SH3GL2: variants seen among roughly 807,000 people sequenced by gnomAD.
SH3GL2 encodes the protein SH3 domain containing GRB2 like 2, endophilin A1, also known as endophilin-A1.
In SH3GL2, 24 loss-of-function variants were observed where a neutral mutation model predicts 46.0. That is an observed-to-expected ratio of 0.52 (90% confidence interval 0.38 to 0.73). The LOEUF is 0.73. SH3GL2 is among the 30% of genes least tolerant of loss of function. The pLI is 0.00. For missense variants in SH3GL2, 413 were observed against 424.2 expected (o/e 0.97, Z 0.23); for synonymous variants, 196 against 147.1 (o/e 1.33, Z -2.40).
At chr9:17,770,209 C>T (rs950716260) in intron 3 of SH3GL2, among the ~76,000 whole-genome samples, 3 of 152,172 alleles carry the variant, frequency 2.0e-5, no homozygotes, top group Non-Finnish European at 4.4e-5. Flanking sequence ...TGTATAAAAT[C>T]ACTGGGCTGA....
chr9:17,791,990 A>G (rs117129451), intron 7 of SH3GL2, among the ~76,000 whole-genome samples: 2,435 of 152,322 alleles, frequency 0.016, 34 homozygotes, highest in Non-Finnish European at 0.026. Context: ...CAGTGGCCCT[A>G]TGTTATAATA....
At chr9:17,676,121 G>C (rs1472684948) in intron 1 of SH3GL2, among the ~76,000 whole-genome samples, 1 of 152,184 alleles carries the variant, frequency 6.6e-6, no homozygotes, top group African/African-American at 2.4e-5. Flanking sequence ...CTGGTTTAGG[G>C]GCTATGGGTA....
intron 4 of SH3GL2, among the ~76,000 whole-genome samples, chr9:17,786,981 C>T (rs1250795100): frequency 6.6e-6 from 1 of 152,178 alleles, no homozygotes; most frequent in Non-Finnish European, 1.5e-5. Flanking sequence ...CCCCAAAACT[C>T]AGCTACCACA....
chr9:17,755,514 C>T (rs1822963278), intron 2 of SH3GL2, among the ~76,000 whole-genome samples: 2 of 152,138 alleles, frequency 1.3e-5, no homozygotes, highest in African/African-American at 4.8e-5. Flanking sequence ...TTTTCCCAGG[C>T]TAGTCTTGAA....
chr9:17,737,121 A>C (rs1440609673), intron 1 of SH3GL2, among the ~76,000 whole-genome samples: 2 of 151,984 alleles, frequency 1.3e-5, no homozygotes, highest in African/African-American at 2.4e-5. Flanking sequence ...AAAACACCAC[A>C]TGTTCTCACT....
intron 3 of SH3GL2, among the ~76,000 whole-genome samples, chr9:17,783,952 C>T (rs965671987): frequency 6.6e-6 from 1 of 152,104 alleles, no homozygotes; most frequent in African/African-American, 2.4e-5. Flanking sequence ...TCTTAAAGTA[C>T]TGCTTCAAAC....
chr9:17,679,614 C>A (rs554956458), intron 1 of SH3GL2, among the ~76,000 whole-genome samples: 1 of 152,096 alleles, frequency 6.6e-6, no homozygotes, highest in Non-Finnish European at 1.5e-5. Flanking sequence ...ATTGAATACC[C>A]TTTATTTCTT....
chr9:17,744,982 C>A (rs1822638700), intron 1 of SH3GL2, among the ~76,000 whole-genome samples: 1 of 152,140 alleles, frequency 6.6e-6, no homozygotes, highest in Non-Finnish European at 1.5e-5. Flanking sequence ...CATCCAGCAC[C>A]ACGGACAGCT....
rs555262154 is a variant in SH3GL2 at position 17,688,263 on chromosome 9, A to G, written c.46-58803A>G. Among the ~76,000 whole-genome samples the G allele has an allele frequency of 7.9e-5, 12 of 152,148 alleles. No individual in the cohort carries two copies. In the East Asian group the frequency reaches 2.3e-3, roughly 30 times the overall value. On this transcript the variant is annotated intron_variant, in intron 1 of 8. Coordinates refer to ENST00000380607, the MANE Select transcript of SH3GL2 (RefSeq NM_003026.5). ...GGCAGCCTTTTTGGCCAAATTTTCAACCACTGGAATTGCCTTTTGGGGAGT... is the reference window on the plus strand; with the variant it reads ...GGCAGCCTTTTTGGCCAAATTTTCAGCCACTGGAATTGCCTTTTGGGGAGT...
At chr9:17,743,375 C>G (rs969652628) in intron 1 of SH3GL2, among the ~76,000 whole-genome samples, 1 of 151,976 alleles carries the variant, frequency 6.6e-6, no homozygotes, top group African/African-American at 2.4e-5. Context: ...ATCAACCAAC[C>G]ATTCAGGCCA....
At chr9:17,724,398 T>G (rs1821971768) in intron 1 of SH3GL2, among the ~76,000 whole-genome samples, 1 of 152,184 alleles carries the variant, frequency 6.6e-6, no homozygotes, top group Admixed American at 6.5e-5. Flanking sequence ...CTTACTTTAC[T>G]TCCGTAGGCA....
intron 1 of SH3GL2, among the ~76,000 whole-genome samples, chr9:17,713,471 C>T (rs141651206): frequency 1.3e-5 from 2 of 150,950 alleles, no homozygotes; most frequent in East Asian, 3.9e-4. Flanking sequence ...TTTTCCTTTT[C>T]AGTTTGTTAA....
chr9:17,600,110 G>A (rs995235112), intron 1 of SH3GL2, among the ~76,000 whole-genome samples: 2 of 152,058 alleles, frequency 1.3e-5, no homozygotes, highest in East Asian at 1.9e-4. Context: ...AATATTCAGG[G>A]TACTGAACAG....
intron 1 of SH3GL2, among the ~76,000 whole-genome samples, chr9:17,689,577 C>G (rs1821018903): frequency 6.6e-6 from 1 of 152,070 alleles, no homozygotes; most frequent in African/African-American, 2.4e-5. Flanking sequence ...TTTCATCTCT[C>G]TTTAATTGCA....
chr9:17,586,711 G>C (rs189582671), intron 1 of SH3GL2, among the ~76,000 whole-genome samples: 1 of 152,154 alleles, frequency 6.6e-6, no homozygotes, highest in African/African-American at 2.4e-5. Flanking sequence ...GTCAGCTCTC[G>C]TGAGAATTCA....
intron 1 of SH3GL2, among the ~76,000 whole-genome samples, chr9:17,657,236 G>A (rs1197141256): frequency 1.3e-5 from 2 of 152,182 alleles, no homozygotes; most frequent in African/African-American, 2.4e-5. Context: ...TTCAAGGGCT[G>A]CTTCTGTAGT....
At chr9:17,731,507 G>A (rs529965565) in intron 1 of SH3GL2, among the ~76,000 whole-genome samples, 10 of 151,934 alleles carry the variant, frequency 6.6e-5, no homozygotes, top group Non-Finnish European at 1.5e-4. Context: ...ACAGAGGAAG[G>A]TTTATGTGAG....
intron 2 of SH3GL2, among the ~76,000 whole-genome samples, chr9:17,758,278 A>G (rs958531954): frequency 7.2e-5 from 11 of 152,086 alleles, no homozygotes; most frequent in Non-Finnish European, 8.8e-5. Flanking sequence ...GAATGCAGCC[A>G]TGCCTGGTGC....
intron 2 of SH3GL2, among the ~76,000 whole-genome samples, chr9:17,749,149 A>G (rs767755421): frequency 6.6e-6 from 1 of 152,210 alleles, no homozygotes; most frequent in Non-Finnish European, 1.5e-5. Context: ...CAACTGGACC[A>G]AAGTCTGCAT....
Sources: allele counts gnomAD v4.1 joint callset (sites outside exome capture counted in the v4.1 genomes callset), GRCh38; gene constraint gnomAD v4.1.1; transcripts MANE v1.5; gene names NCBI Gene and HGNC (gene_info 2026-07-23, HGNC 2026-07-21).